Variants in FOXP1 observed in about 807,000 individuals in gnomAD.
The protein encoded by FOXP1 is forkhead box P1.
Under a neutral mutation model 98.2 loss-of-function variants are expected in FOXP1, and 15 were observed. The observed-to-expected ratio is 0.15, with a 90% CI of 0.10 to 0.24. FOXP1 has a LOEUF of 0.24. FOXP1 is among the 10% of genes least tolerant of loss of function. The pLI is 1.00. For missense variants in FOXP1, 633 were observed against 848.5 expected, an observed-to-expected ratio of 0.75 and a Z score of 3.15; for synonymous variants, 371 against 314.5, an observed-to-expected ratio of 1.18 and a Z score of -1.90.
chr3:71,390,599 C>T (rs555426232), intron 3 of FOXP1, among the ~76,000 whole-genome samples: 1 of 151,226 alleles, frequency 6.6e-6, no homozygotes, highest in Non-Finnish European at 1.5e-5. Flanking sequence ...TTGGGGGGGG[C>T]AGTCAAGAAT....
At chr3:71,112,430 A>T in intron 7 of FOXP1, 106 bp downstream of exon 7, 1 of 954,850 alleles carries the variant, frequency 1.0e-6, no homozygotes, top group Non-Finnish European at 1.7e-6. Flanking sequence ...TTTCCACAGA[A>T]GATTTTCTTA....
intron 2 of FOXP1, among the ~76,000 whole-genome samples, chr3:71,513,638 G>C (rs568918966): frequency 1.3e-5 from 2 of 152,336 alleles, no homozygotes; most frequent in East Asian, 1.9e-4. Flanking sequence ...AAATGGGTCA[G>C]GGTGTAGCGC....
chr3:71,105,779 C>G (rs2057372939), intron 7 of FOXP1, among the ~76,000 whole-genome samples: 1 of 152,136 alleles, frequency 6.6e-6, no homozygotes, highest in South Asian at 2.1e-4. Context: ...CAGAGACACA[C>G]ACGCACAGGC....
chr3:71,055,817 A>C (rs190845351), intron 7 of FOXP1, among the ~76,000 whole-genome samples: 1 of 152,300 alleles, frequency 6.6e-6, no homozygotes, highest in East Asian at 1.9e-4. Context: ...AACCATGTTT[A>C]AGGTTTCTTT....
At chr3:71,523,865 C>T (rs931391126) in intron 2 of FOXP1, among the ~76,000 whole-genome samples, 2 of 151,970 alleles carry the variant, frequency 1.3e-5, no homozygotes, top group African/African-American at 4.8e-5. Flanking sequence ...CTGCTAAACT[C>T]GAGGGAGGGC....
intron 2 of FOXP1, among the ~76,000 whole-genome samples, chr3:71,497,526 AG>A (rs748589127): frequency 1.7e-4 from 26 of 152,302 alleles, no homozygotes; most frequent in Non-Finnish European, 3.4e-4. Flanking sequence ...TCAATCACCA[AG>A]GCCATGGACT....
chr3:71,547,449 C>T (rs1172099466), intron 2 of FOXP1, among the ~76,000 whole-genome samples: 6 of 152,182 alleles, frequency 3.9e-5, no homozygotes, highest in African/African-American at 1.2e-4. Context: ...GGGCGAGGCC[C>T]AGATGGTCTC....
chr3:70,970,831 A>G lies in FOXP1; in HGVS notation c.1653-26T>C, dbSNP rs768275546. On this transcript the variant is annotated intron_variant, in intron 18 of 20. Coordinates refer to ENST00000649528, the MANE Select transcript of FOXP1 (RefSeq NM_001349338.3). Reference sequence around the variant, plus strand: ...CTGTGTAAGAAAAACATAAAAACTCAAAGTTAAACACAGTCGACTGCTGAG... The same window carrying G: ...CTGTGTAAGAAAAACATAAAAACTCGAAGTTAAACACAGTCGACTGCTGAG... The G allele has an allele frequency of 3.8e-5, 60 of 1,567,052 alleles. No homozygotes were observed. The Admixed American group carries it at 9.7e-4, about 25-fold the overall frequency.
chr3:71,163,040 T>C (rs922556624), intron 6 of FOXP1, among the ~76,000 whole-genome samples: 20 of 152,226 alleles, frequency 1.3e-4, no homozygotes, highest in African/African-American at 4.8e-4. Flanking sequence ...TCTGTAATTA[T>C]ATGCACAAAC....
At chr3:71,240,677 G>C (rs2067189023) in intron 5 of FOXP1, among the ~76,000 whole-genome samples, 1 of 151,860 alleles carries the variant, frequency 6.6e-6, no homozygotes, top group Non-Finnish European at 1.5e-5. Flanking sequence ...GAGTAGCTGG[G>C]ATTACAGGCG....
intron 5 of FOXP1, among the ~76,000 whole-genome samples, chr3:71,263,056 T>C (rs1287224290): frequency 6.6e-6 from 1 of 152,138 alleles, no homozygotes; most frequent in Non-Finnish European, 1.5e-5. Context: ...CTGAAAGTGA[T>C]TCATTTCAAA....
intron 7 of FOXP1, among the ~76,000 whole-genome samples, chr3:71,106,399 G>A (rs1017701276): frequency 2.0e-5 from 3 of 152,172 alleles, no homozygotes; most frequent in Non-Finnish European, 4.4e-5. Context: ...GCAGTGGCGT[G>A]ATCTCGGCTC....
chr3:71,565,190 T>C (rs1348789178), intron 2 of FOXP1, among the ~76,000 whole-genome samples: 1 of 152,014 alleles, frequency 6.6e-6, no homozygotes, highest in Non-Finnish European at 1.5e-5. Flanking sequence ...TTGTCCATAG[T>C]GGAGTGTTAG....
chr3:71,284,252 A>C (rs1489699111), intron 5 of FOXP1, among the ~76,000 whole-genome samples: 1 of 152,130 alleles, frequency 6.6e-6, no homozygotes, highest in African/African-American at 2.4e-5. Context: ...TCTAGAATAC[A>C]TCTAAAGAAA....
intron 7 of FOXP1, among the ~76,000 whole-genome samples, chr3:71,080,616 G>A (rs150282035): frequency 1.6e-4 from 24 of 152,250 alleles, no homozygotes; most frequent in African/African-American, 5.5e-4. Context: ...TTTCTATTCA[G>A]CCCCAGCTGA....
intron 7 of FOXP1, among the ~76,000 whole-genome samples, chr3:71,105,283 C>T (rs2057333938): frequency 6.6e-6 from 1 of 152,158 alleles, no homozygotes. Context: ...TTCCTAATTA[C>T]CTTTTTTTTC....
At chr3:71,224,786 C>T (rs890638329) in intron 5 of FOXP1, among the ~76,000 whole-genome samples, 12 of 152,208 alleles carry the variant, frequency 7.9e-5, no homozygotes, top group Admixed American at 7.9e-4. Flanking sequence ...CAGATTAGCA[C>T]TGTAGGCCAA....
intron 6 of FOXP1, among the ~76,000 whole-genome samples, chr3:71,137,353 C>T (rs2059868108): frequency 6.6e-6 from 1 of 152,170 alleles, no homozygotes; most frequent in African/African-American, 2.4e-5. Context: ...CTCGCCAGCC[C>T]AGCCAAGGCA....
At chr3:71,210,080 C>G (rs762057740) in intron 5 of FOXP1, among the ~76,000 whole-genome samples, 2 of 152,158 alleles carry the variant, frequency 1.3e-5, no homozygotes, top group Non-Finnish European at 2.9e-5. Context: ...TAAGTGGATT[C>G]TGGCAATTAC....
Sources: allele counts gnomAD v4.1 joint callset (sites outside exome capture counted in the v4.1 genomes callset), GRCh38; gene constraint gnomAD v4.1.1; transcripts MANE v1.5; gene names NCBI Gene and HGNC (gene_info 2026-07-23, HGNC 2026-07-21).